Variants in SEMA6D observed in about 807,000 individuals in gnomAD.
SEMA6D encodes semaphorin-6D.
SEMA6D carries 35 observed loss-of-function variants against 106.6 expected under a neutral mutation model. The ratio of observed to expected loss-of-function variants is 0.33; its 90% CI spans 0.25 to 0.44. The LOEUF (loss-of-function observed/expected upper bound fraction) is 0.44, where lower values mean the gene tolerates loss of function less well. Ranked by LOEUF, SEMA6D falls within the 20% of genes least tolerant of loss-of-function variation. SEMA6D has a pLI of 1.00. For missense variants in SEMA6D, 1,185 were observed against 1,345.9 expected, an observed-to-expected ratio of 0.88 and a Z score of 1.87; for synonymous variants, 499 against 487.7, an observed-to-expected ratio of 1.02 and a Z score of -0.31.
chr15:47,547,267 T>A (rs771909039), intron 3 of SEMA6D, among the ~76,000 whole-genome samples: 1 of 152,148 alleles, frequency 6.6e-6, no homozygotes, highest in Non-Finnish European at 1.5e-5. Context: ...TAAATCTTCA[T>A]ACCACATAAG....
chr15:47,458,762 A>G (rs926176310), intron 2 of SEMA6D, among the ~76,000 whole-genome samples: 1 of 152,028 alleles, frequency 6.6e-6, no homozygotes, highest in African/African-American at 2.4e-5. Context: ...AGGAAAGAAG[A>G]ATGGTCTCAA....
chr15:47,515,067 G>A (rs1452482893), intron 3 of SEMA6D, among the ~76,000 whole-genome samples: 1 of 152,054 alleles, frequency 6.6e-6, no homozygotes, highest in African/African-American at 2.4e-5. Context: ...GTTCACATTG[G>A]CCTCCCAAAC....
chr15:47,321,665 T>C (rs2036929960), intron 1 of SEMA6D, among the ~76,000 whole-genome samples: 1 of 152,196 alleles, frequency 6.6e-6, no homozygotes, highest in Non-Finnish European at 1.5e-5. Flanking sequence ...TACCTTTCAG[T>C]ATAAGGAGAT....
At chr15:47,674,412 A>G (rs913197405) in intron 4 of SEMA6D, among the ~76,000 whole-genome samples, 2 of 152,220 alleles carry the variant, frequency 1.3e-5, no homozygotes, top group African/African-American at 4.8e-5. Context: ...TTGTAATTCA[A>G]CCTGACTAAA....
chr15:47,238,654 G>A (rs542120425), intron 1 of SEMA6D, among the ~76,000 whole-genome samples: 2 of 151,912 alleles, frequency 1.3e-5, no homozygotes, highest in Admixed American at 6.6e-5. Flanking sequence ...GTTAAAGGAC[G>A]TTTAGACAAA....
intron 3 of SEMA6D, chr15:47,525,519 A>G (rs1390609501): frequency 1.3e-5 from 2 of 152,086 alleles, no homozygotes; most frequent in African/African-American, 2.4e-5. Context: ...TATGCTTTCT[A>G]TTTCTCTTTT....
chr15:47,763,136 C>A lies in SEMA6D; in HGVS notation c.747+32C>A, dbSNP rs560732106. ...ATATGCATTTGGCTTGAATTGTGGA[C>A]TTGTACTGCATGAAATTGAGACCAC... On this transcript the variant is annotated intron_variant, in intron 9 of 18. Transcript: ENST00000536845. 7.5e-5 allele frequency: 113 copies of A among 1,514,092 alleles called. No individual in the cohort carries two copies. In the South Asian group the frequency reaches 1.3e-3, roughly 17 times the overall value. 93.8% of individuals were successfully genotyped at this position (1,514,092 alleles called of 1,614,324 possible). A position where few individuals can be genotyped will look rare whatever the true frequency, so the allele number is the denominator to read the frequency against.
intron 1 of SEMA6D, among the ~76,000 whole-genome samples, chr15:47,231,221 A>G (rs569691287): frequency 8.6e-5 from 13 of 151,910 alleles, no homozygotes; most frequent in African/African-American, 2.7e-4. Context: ...TTCAACAGGC[A>G]GTTCTCTCAT....
chr15:47,348,637 T>C (rs1254036100), intron 1 of SEMA6D, among the ~76,000 whole-genome samples: 2 of 149,054 alleles, frequency 1.3e-5, no homozygotes, highest in African/African-American at 5.0e-5. Context: ...ACATATGTGA[T>C]TTCATGAAAC....
chr15:47,515,977 A>T (rs1463430665), intron 3 of SEMA6D, among the ~76,000 whole-genome samples: 1 of 152,168 alleles, frequency 6.6e-6, no homozygotes, highest in Non-Finnish European at 1.5e-5. Flanking sequence ...TCTGAAAAGG[A>T]TGACAGAGGT....
intron 1 of SEMA6D, among the ~76,000 whole-genome samples, chr15:47,265,408 C>T (rs2034271546): frequency 6.6e-6 from 1 of 151,442 alleles, no homozygotes; most frequent in Non-Finnish European, 1.5e-5. Context: ...TGGTACTTTG[C>T]AATTATAGAA....
intron 1 of SEMA6D, among the ~76,000 whole-genome samples, chr15:47,227,696 A>T (rs2031836204): frequency 6.7e-6 from 1 of 150,364 alleles, no homozygotes; most frequent in African/African-American, 2.4e-5. Context: ...CAGGACTGAA[A>T]TAGGCCCACC....
chr15:47,409,900 G>C (rs532702149), intron 1 of SEMA6D, among the ~76,000 whole-genome samples: 12 of 151,338 alleles, frequency 7.9e-5, no homozygotes, highest in Admixed American at 2.6e-4. Context: ...TCGGGGTTGT[G>C]GGGGGGGTGG....
At chr15:47,458,579 T>G (rs997147703) in intron 2 of SEMA6D, among the ~76,000 whole-genome samples, 4 of 151,940 alleles carry the variant, frequency 2.6e-5, no homozygotes, top group African/African-American at 9.7e-5. Context: ...ACCCATGTAT[T>G]AGGAAATGAA....
At chr15:47,398,651 T>G (rs1318529788) in intron 1 of SEMA6D, among the ~76,000 whole-genome samples, 4 of 152,144 alleles carry the variant, frequency 2.6e-5, no homozygotes, top group Non-Finnish European at 5.9e-5. Context: ...TATCATAAAT[T>G]TAAGCATAGA....
chr15:47,573,792 C>A (rs1328171847), intron 3 of SEMA6D, among the ~76,000 whole-genome samples: 1 of 152,190 alleles, frequency 6.6e-6, no homozygotes, highest in Non-Finnish European at 1.5e-5. Context: ...GCCTCTTCAA[C>A]TTTATTTTTC....
chr15:47,222,672 T>C (rs2031310541), intron 1 of SEMA6D, among the ~76,000 whole-genome samples: 2 of 152,200 alleles, frequency 1.3e-5, no homozygotes, highest in Admixed American at 1.3e-4. Flanking sequence ...AAATATGATT[T>C]AGTCCTGTCA....
At chr15:47,648,277 C>T (rs151211887) in intron 4 of SEMA6D, among the ~76,000 whole-genome samples, 21 of 152,274 alleles carry the variant, frequency 1.4e-4, no homozygotes, top group East Asian at 9.7e-4. Flanking sequence ...CCTGGTGCTC[C>T]GATTTCCTCT....
intron 2 of SEMA6D, among the ~76,000 whole-genome samples, chr15:47,451,439 C>A (rs1050370204): frequency 2.6e-5 from 4 of 151,940 alleles, no homozygotes; most frequent in Non-Finnish European, 4.4e-5. Context: ...ATCACAGCTT[C>A]CCAATACTAC....
Sources: gnomAD v4.1 joint callset for allele counts (sites outside exome capture counted in the v4.1 genomes callset) on GRCh38, gnomAD v4.1.1 for gene constraint, MANE v1.5 for transcripts, NCBI Gene and HGNC (gene_info 2026-07-23, HGNC 2026-07-21) for gene names.